The following PARD3B variants were observed in gnomAD, a reference collection of about 807,000 sequenced individuals.
PARD3B encodes the protein par-3 family cell polarity regulator beta.
In PARD3B, 103 loss-of-function variants were observed where a neutral mutation model predicts 130.2. The ratio of observed to expected loss-of-function variants is 0.79; its 90% CI spans 0.67 to 0.93. The LOEUF (loss-of-function observed/expected upper bound fraction) is 0.93. Ranked by LOEUF, PARD3B falls within the 40% of genes least tolerant of loss-of-function variation. PARD3B has a pLI of 0.00. For synonymous variants in PARD3B, 583 were observed against 553.2 expected, an observed-to-expected ratio of 1.05 and a Z score of -0.76; for missense variants, 1,609 against 1,499.2, an observed-to-expected ratio of 1.07 and a Z score of -1.21.
At chr2:204,805,700 A>G (rs944380434) in intron 2 of PARD3B, among the ~76,000 whole-genome samples, 4 of 152,130 alleles carry the variant, frequency 2.6e-5, no homozygotes, top group Admixed American at 2.6e-4. Context: ...ACATTAAAAG[A>G]TCATTCATTA....
intron 2 of PARD3B, among the ~76,000 whole-genome samples, chr2:204,778,326 AC>A (rs1338723374): frequency 6.6e-6 from 1 of 151,890 alleles, no homozygotes; most frequent in African/African-American, 2.4e-5. Flanking sequence ...TAACTTAGTC[AC>A]TTTTATGTTT....
intron 18 of PARD3B, among the ~76,000 whole-genome samples, chr2:205,327,801 G>A (rs2042986858): frequency 6.6e-6 from 1 of 152,174 alleles, no homozygotes; most frequent in African/African-American, 2.4e-5. Flanking sequence ...CTGGTACATA[G>A]TAAAGTATTC....
chr2:205,386,021 TTCTC>T lies in PARD3B; in HGVS notation c.2631-14990_2631-14987del, dbSNP rs2045648459. The stretch of plus-strand genomic sequence containing the variant: ...AAATCACTGGCTCATGTTTAAAACT[TTCTC>T]TATAAATTTAAGTTTCATGATAGGC... On this transcript the variant is annotated intron_variant, in intron 18 of 22. Transcript: ENST00000406610. 2.0e-5 allele frequency among the ~76,000 whole-genome samples: 3 copies of T among 152,288 alleles called. No individual in the cohort carries two copies. In the South Asian group the frequency reaches 6.2e-4, roughly 32 times the overall value.
At chr2:204,898,855 T>C (rs1433019986) in intron 2 of PARD3B, among the ~76,000 whole-genome samples, 6 of 152,206 alleles carry the variant, frequency 3.9e-5, no homozygotes, top group Admixed American at 1.3e-4. Context: ...CGAATTGACC[T>C]CTTTATCATT....
intron 2 of PARD3B, among the ~76,000 whole-genome samples, chr2:204,868,082 A>G (rs1196945669): frequency 2.6e-5 from 4 of 152,130 alleles, no homozygotes; most frequent in Admixed American, 1.3e-4. Context: ...ATTGTGAAAG[A>G]TATCTGTATA....
rs890499477 is a variant in PARD3B at position 205,265,390 on chromosome 2, T to C, written c.2185+19568T>C. On this transcript the variant is annotated intron_variant, in intron 16 of 22. Coordinates refer to ENST00000406610, the MANE Select transcript of PARD3B (RefSeq NM_001302769.2). The surrounding 1 kb of genome is among the most constrained non-coding windows in gnomAD (Gnocchi z 4.3). ...TTGGTTTATTTACTTTTGAAATTAA[T>C]GTGAAGGGCTCTGTAGCTTCTTTTT... is the stretch of plus-strand genomic sequence containing the variant. Among the ~76,000 whole-genome samples, 4 of 152,062 alleles carry C rather than the reference T, an allele frequency of 2.6e-5. No individual in the cohort carries two copies. The highest frequency in any genetic ancestry group is 9.7e-5 in the African/African-American group (4 of 41,428).
chr2:204,657,078 C>G (rs989469067), intron 1 of PARD3B, among the ~76,000 whole-genome samples: 7 of 152,136 alleles, frequency 4.6e-5, no homozygotes, highest in African/African-American at 1.7e-4. Context: ...TTGAAGAGTT[C>G]TAGGCCATAC....
At chr2:204,864,855 A>G (rs1328915511) in intron 2 of PARD3B, among the ~76,000 whole-genome samples, 1 of 152,166 alleles carries the variant, frequency 6.6e-6, no homozygotes, top group South Asian at 2.1e-4. Flanking sequence ...TTAGATACCA[A>G]TAACACTCTT....
In PARD3B at chr2:205,291,739, G is replaced by A. The variant is rs893517102; in HGVS notation, c.2186-8791G>A. ...AATTGTCCATCAAAAAGGAAGCAGA[G>A]CTTAAAGACTTAGGTAATTCTCAGC... On this transcript the variant is annotated intron_variant, in intron 16 of 22. Coordinates refer to ENST00000406610, the MANE Select transcript of PARD3B (RefSeq NM_001302769.2). The surrounding 1 kb of genome is among the most constrained non-coding windows in gnomAD (Gnocchi z 4.6). Among the ~76,000 whole-genome samples, 2 of 152,172 alleles carry A rather than the reference G, an allele frequency of 1.3e-5. No homozygotes were observed. The highest frequency in any genetic ancestry group is 2.4e-5 in the African/African-American group (1 of 41,454).
In PARD3B at chr2:205,589,397, G is replaced by C. The variant is rs945522219; in HGVS notation, c.3261-26059G>C. ...CACCACAGGATCTCACCAAAATCAG[G>C]CTCTCCAAACCTCTGTTCCCACGGC... On this transcript the variant is annotated intron_variant, in intron 22 of 22. Transcript: ENST00000406610. This position sits in a 1 kb window ranked among gnomAD's most constrained non-coding sequence, Gnocchi z 4.1. Among the ~76,000 whole-genome samples, 1 of 152,068 alleles carries C rather than the reference G, an allele frequency of 6.6e-6. No individual in the cohort carries two copies. The highest frequency in any genetic ancestry group is 1.5e-5 in the Non-Finnish European group (1 of 68,024).
intron 2 of PARD3B, among the ~76,000 whole-genome samples, chr2:204,702,473 C>T (rs1230685345): frequency 1.3e-5 from 2 of 152,086 alleles, no homozygotes; most frequent in Non-Finnish European, 2.9e-5. Flanking sequence ...TTTTAATTTG[C>T]GGTTCTCCAG....
At chr2:205,065,614 T>G (rs1051069773) in intron 4 of PARD3B, among the ~76,000 whole-genome samples, 18 of 151,956 alleles carry the variant, frequency 1.2e-4, no homozygotes, top group African/African-American at 4.1e-4. Context: ...TCCTCAAGAG[T>G]GGCTTGGTGC....
intron 10 of PARD3B, among the ~76,000 whole-genome samples, chr2:205,133,233 A>G (rs929669783): frequency 6.6e-6 from 1 of 152,224 alleles, no homozygotes; most frequent in African/African-American, 2.4e-5. Flanking sequence ...TTGTAAAGAC[A>G]TATGAGAGCC....
intron 10 of PARD3B, among the ~76,000 whole-genome samples, chr2:205,150,761 A>C (rs2125694638): frequency 6.6e-6 from 1 of 152,288 alleles, no homozygotes; most frequent in South Asian, 2.1e-4. Context: ...AATGGACAAA[A>C]GTTGAGACAC....
chr2:205,051,370 A>G (rs1699178726), intron 4 of PARD3B, among the ~76,000 whole-genome samples: 1 of 152,232 alleles, frequency 6.6e-6, no homozygotes, highest in East Asian at 1.9e-4. Flanking sequence ...CACAGGAAGA[A>G]AAAACAATCA....
At position 204,712,467 on chromosome 2, in the gene PARD3B, C is replaced by T. The variant is rs535901453; in HGVS notation, c.222+26185C>T. 3.5e-3 allele frequency among the ~76,000 whole-genome samples: 523 copies of T among 151,536 alleles called. 2 individuals are homozygous for T. Among genetic ancestry groups the T allele is most frequent in the African/African-American group, 0.012 (488 of 41,314 alleles). ...CTCTACTAAAAATACAAAAATTATC[C>T]GGGTGTGGTGGCAGGCCAGGCCTAT... is the stretch of plus-strand genomic sequence containing the variant. On this transcript the variant is annotated intron_variant, in intron 2 of 22. Transcript: ENST00000406610.
intron 18 of PARD3B, among the ~76,000 whole-genome samples, chr2:205,307,975 C>T (rs546781861): frequency 2.8e-4 from 43 of 152,224 alleles, no homozygotes; most frequent in Middle Eastern, 3.4e-3. Context: ...CTTGCAAACT[C>T]CTTTTTACTA....
At chr2:205,068,819 T>G (rs1247981391) in intron 4 of PARD3B, among the ~76,000 whole-genome samples, 1 of 152,152 alleles carries the variant, frequency 6.6e-6, no homozygotes, top group Non-Finnish European at 1.5e-5. Flanking sequence ...TTTTAAATTT[T>G]TTGAACATAT....
At chr2:205,114,513 G>A (rs77326325) in intron 6 of PARD3B, among the ~76,000 whole-genome samples, 5 of 152,130 alleles carry the variant, frequency 3.3e-5, no homozygotes, top group South Asian at 2.1e-4. Flanking sequence ...TATCAAAGAC[G>A]AGACAAGTCA....
Sources: allele counts gnomAD v4.1 joint callset (sites outside exome capture counted in the v4.1 genomes callset), GRCh38; gene constraint gnomAD v4.1.1; non-coding constraint Gnocchi (gnomAD v3.1); transcripts MANE v1.5; gene names NCBI Gene and HGNC (gene_info 2026-07-23, HGNC 2026-07-21).